Variants in ELMO1 observed in about 807,000 individuals in gnomAD.
ELMO1 encodes the protein engulfment and cell motility protein 1.
A neutral mutation model predicts 98.9 loss-of-function variants in ELMO1; 26 were observed. That is an observed-to-expected ratio of 0.26 (90% CI 0.19 to 0.36). The LOEUF is 0.36. Among genes scored for constraint, ELMO1 ranks in the 10% least tolerant of loss-of-function variants. ELMO1 has a pLI of 1.00. For synonymous variants in ELMO1, 346 were observed against 346.0 expected, an observed-to-expected ratio of 1.00 and a Z score of 0.00; for missense variants, 627 against 935.2, an observed-to-expected ratio of 0.67 and a Z score of 4.30.
intron 15 of ELMO1, among the ~76,000 whole-genome samples, chr7:37,026,445 C>A (rs1357737194): frequency 1.3e-5 from 2 of 152,102 alleles, no homozygotes; most frequent in Non-Finnish European, 2.9e-5. Context: ...CAGGTTCTTT[C>A]TTATCTTTGG....
chr7:37,134,432 G>A (rs1202820249), intron 13 of ELMO1, among the ~76,000 whole-genome samples: 12 of 151,850 alleles, frequency 7.9e-5, no homozygotes, highest in African/African-American at 2.4e-4. Context: ...GGTGGCGCGC[G>A]CCTGTAATCC....
intron 16 of ELMO1, among the ~76,000 whole-genome samples, chr7:36,953,454 ATAGAT>A (rs1488007455): frequency 6.6e-6 from 1 of 152,230 alleles, no homozygotes; most frequent in Non-Finnish European, 1.5e-5. Flanking sequence ...ACTAGACAGA[ATAGAT>A]AAGCAATATT....
chr7:37,303,919 G>A (rs1410587735), intron 4 of ELMO1, among the ~76,000 whole-genome samples: 4 of 152,114 alleles, frequency 2.6e-5, no homozygotes, highest in Non-Finnish European at 4.4e-5. Context: ...CTATCCAACC[G>A]TCAGTGTAAA....
At chr7:36,967,496 T>TA (rs2129128359) in intron 16 of ELMO1, among the ~76,000 whole-genome samples, 1 of 152,298 alleles carries the variant, frequency 6.6e-6, no homozygotes, top group South Asian at 2.1e-4. Context: ...AGGAGTCTGT[T>TA]AAATTGCCAC....
intron 13 of ELMO1, among the ~76,000 whole-genome samples, chr7:37,136,588 CAATTATCGGCCAAG>C (rs1467784081): frequency 1.3e-5 from 2 of 152,140 alleles, no homozygotes; most frequent in East Asian, 3.8e-4. Context: ...TTCAACAAAA[CAATTATCGGCCAAG>C]AATCTTGTAT....
chr7:36,883,412 G>A (rs940724417), intron 18 of ELMO1, among the ~76,000 whole-genome samples: 9 of 152,138 alleles, frequency 5.9e-5, no homozygotes, highest in Non-Finnish European at 8.8e-5. Flanking sequence ...GTATCATTTC[G>A]ATCTGTGTCC....
At chr7:36,923,926 G>T (rs117549191) in intron 16 of ELMO1, among the ~76,000 whole-genome samples, 1 of 152,132 alleles carries the variant, frequency 6.6e-6, no homozygotes, top group South Asian at 2.1e-4. Context: ...GGTTCTATAC[G>T]TGTGGAACAC....
intron 13 of ELMO1, among the ~76,000 whole-genome samples, chr7:37,141,205 A>G (rs1205871846): frequency 1.3e-5 from 2 of 152,252 alleles, no homozygotes; most frequent in East Asian, 3.8e-4. Flanking sequence ...TGACTCAGCC[A>G]TAAAAGAGAA....
intron 2 of ELMO1, among the ~76,000 whole-genome samples, chr7:37,340,304 GA>G (rs1263905790): frequency 6.6e-6 from 1 of 152,230 alleles, no homozygotes; most frequent in Admixed American, 6.5e-5. Context: ...GGTGAAGGGG[GA>G]TGGTGCTTCC....
chr7:37,139,603 G>A (rs573378062), intron 13 of ELMO1, among the ~76,000 whole-genome samples: 3 of 152,272 alleles, frequency 2.0e-5, no homozygotes, highest in Non-Finnish European at 4.4e-5. Context: ...CATGCTCATG[G>A]ATGGGTAGAA....
chr7:36,979,717 G>A (rs1356998443), intron 16 of ELMO1, among the ~76,000 whole-genome samples: 2 of 152,196 alleles, frequency 1.3e-5, no homozygotes, highest in Admixed American at 6.5e-5. Flanking sequence ...ATATGACAAA[G>A]TTTCTGAAAT....
At chr7:37,280,216 G>A (rs925972966) in intron 4 of ELMO1, among the ~76,000 whole-genome samples, 5 of 152,180 alleles carry the variant, frequency 3.3e-5, no homozygotes, top group Non-Finnish European at 7.3e-5. Context: ...ATGGATTGAG[G>A]ACTTAAACGT....
chr7:37,317,326 G>T (rs373018424), intron 2 of ELMO1, among the ~76,000 whole-genome samples: 1 of 152,180 alleles, frequency 6.6e-6, no homozygotes, highest in African/African-American at 2.4e-5. Context: ...TCACTACCAC[G>T]TGTGCAGAAG....
At chr7:36,890,499 C>G (rs139278033) in intron 17 of ELMO1, among the ~76,000 whole-genome samples, 1 of 152,336 alleles carries the variant, frequency 6.6e-6, no homozygotes, top group Non-Finnish European at 1.5e-5. Context: ...CCCTGCTCCA[C>G]TTGCTCTGTC....
chr7:36,873,168 T>C (rs1213753961), intron 19 of ELMO1, among the ~76,000 whole-genome samples: 1 of 152,162 alleles, frequency 6.6e-6, no homozygotes, highest in Non-Finnish European at 1.5e-5. Context: ...AAAAATACAG[T>C]GTAGCTTTTA....
chr7:37,180,248 G>A (rs1013640724), intron 13 of ELMO1, among the ~76,000 whole-genome samples: 8 of 152,154 alleles, frequency 5.3e-5, no homozygotes, highest in African/African-American at 1.9e-4. Flanking sequence ...ATGTAAGGCT[G>A]AAAAATGCCG....
chr7:37,255,684 T>C (rs1795602232), intron 6 of ELMO1, among the ~76,000 whole-genome samples: 1 of 152,190 alleles, frequency 6.6e-6, no homozygotes, highest in Admixed American at 6.5e-5. Context: ...TTTGCAAATA[T>C]CATTCTGAAT....
chr7:37,237,771 A>G (rs1400708135), intron 7 of ELMO1, among the ~76,000 whole-genome samples: 1 of 152,204 alleles, frequency 6.6e-6, no homozygotes, highest in Non-Finnish European at 1.5e-5. Context: ...GTATGGATTT[A>G]TAAGTCATCC....
intron 15 of ELMO1, 118 bp from the exon 16 acceptor site, chr7:37,013,553 A>G: frequency 8.1e-7 from 1 of 1,227,704 alleles, no homozygotes; most frequent in African/African-American, 1.5e-5. Context: ...TTCAGGCAAT[A>G]ATGGTGAAAA....
Sources: allele counts gnomAD v4.1 joint callset (sites outside exome capture counted in the v4.1 genomes callset), GRCh38; gene constraint gnomAD v4.1.1; transcripts MANE v1.5; gene names NCBI Gene and HGNC (gene_info 2026-07-23, HGNC 2026-07-21).